The following NDEL1 variants were observed in gnomAD, a reference collection of about 807,000 sequenced individuals.
The protein encoded by NDEL1 is nuclear distribution protein nudE-like 1.
Under a neutral mutation model 45.7 loss-of-function variants are expected in NDEL1, and 9 were observed. That is an observed-to-expected ratio of 0.20 (90% CI 0.12 to 0.34). The LOEUF (loss-of-function observed/expected upper bound fraction) is 0.34, where lower values mean the gene tolerates loss of function less well. NDEL1 is among the 10% of genes least tolerant of loss of function. The pLI, the probability that NDEL1 is intolerant of heterozygous loss-of-function variation, is 1.00. For synonymous variants in NDEL1, 133 were observed against 158.6 expected, an observed-to-expected ratio of 0.84 and a Z score of 1.21; for missense variants, 306 against 406.2, an observed-to-expected ratio of 0.75 and a Z score of 2.12.
chr17:8,473,462 C>T (rs1911961878), intron 3 of NDEL1, among the ~76,000 whole-genome samples: 2 of 152,218 alleles, frequency 1.3e-5, no homozygotes, highest in Non-Finnish European at 2.9e-5. Flanking sequence ...GCCGGGATTA[C>T]AGGCGTGAGC....
intron 8 of NDEL1, 51 bp from the exon 9 acceptor site, chr17:8,466,879 G>T (rs757991643): frequency 5.9e-6 from 9 of 1,516,188 alleles, no homozygotes; most frequent in Admixed American, 1.7e-5. Flanking sequence ...GATTTTAAAT[G>T]AGTTTTTCGT....
At chr17:8,472,413 G>C (rs569173768), downstream of NDEL1, among the ~76,000 whole-genome samples, 8 of 152,280 alleles carry the variant, frequency 5.3e-5, no homozygotes, top group African/African-American at 1.9e-4. Context: ...CAGCACTTTG[G>C]GAGGGAGGCC....
intron 1 of NDEL1, among the ~76,000 whole-genome samples, chr17:8,437,878 G>A (rs1269904805): frequency 1.5e-5 from 2 of 136,422 alleles, no homozygotes; most frequent in South Asian, 2.6e-4. Flanking sequence ...AATGCTTTAC[G>A]TAAAAATTGT....
intron 1 of NDEL1, among the ~76,000 whole-genome samples, chr17:8,430,458 G>T (rs1039622035): frequency 1.3e-5 from 2 of 152,138 alleles, no homozygotes; most frequent in Admixed American, 6.5e-5. Context: ...TGATGTGGCC[G>T]AAGTCCAGCA....
chr17:8,426,932 A>C (rs1398137976), intron 1 of NDEL1, among the ~76,000 whole-genome samples: 1 of 151,984 alleles, frequency 6.6e-6, no homozygotes, highest in African/African-American at 2.4e-5. Flanking sequence ...AACTGTTCTC[A>C]TTTTTCTCTT....
intron 1 of NDEL1, chr17:8,436,557 C>T (rs1909356287): frequency 6.6e-6 from 1 of 152,366 alleles, no homozygotes; most frequent in African/African-American, 2.4e-5. Context: ...GATTGGCATT[C>T]TCCTGACTCC....
chr17:8,441,348 A>G (rs1909721732), intron 1 of NDEL1, among the ~76,000 whole-genome samples: 1 of 152,224 alleles, frequency 6.6e-6, no homozygotes. Context: ...ACCAGAGGGG[A>G]CATAAAAAAG....
chr17:8,470,156 C>T (rs1820044986), downstream of NDEL1, among the ~76,000 whole-genome samples: 1 of 152,176 alleles, frequency 6.6e-6, no homozygotes, highest in African/African-American at 2.4e-5. This position sits in a 1 kb window ranked among gnomAD's most constrained non-coding sequence, Gnocchi z 4.2. Flanking sequence ...GAGCATCTGC[C>T]ACCTGGCATG....
intron 6 of NDEL1, among the ~76,000 whole-genome samples, chr17:8,453,191 C>T (rs1910628746): frequency 6.6e-6 from 1 of 152,138 alleles, no homozygotes; most frequent in South Asian, 2.1e-4. Flanking sequence ...CGTTGAGCGC[C>T]TGTTATGTGT....
In NDEL1 at chr17:8,446,022, G is replaced by A. The variant is rs1910057937; in HGVS notation, c.240+158G>A. 7 of 682,578 alleles carry A rather than the reference G, an allele frequency of 1.0e-5. No homozygotes were observed. The East Asian group carries it at 2.5e-4, about 24-fold the overall frequency. The allele number at this position is 682,578 out of a possible 1,614,324, so 42.3% of individuals were successfully genotyped here. ...TAAAATGTTTTCTTTCACGGAACCAGGGGAAAAGGTGGTTTAGAGTTTAGG... is the reference window on the plus strand; with the variant it reads ...TAAAATGTTTTCTTTCACGGAACCAAGGGAAAAGGTGGTTTAGAGTTTAGG... On this transcript the variant is annotated intron_variant, in intron 3 of 8. Coordinates refer to ENST00000334527, the MANE Select transcript of NDEL1 (RefSeq NM_030808.5).
At position 8,428,337 on chromosome 17, in the gene NDEL1, T is replaced by G. The variant is rs1388364282; in HGVS notation, c.-13+15068T>G. On this transcript the variant is annotated intron_variant, in intron 1 of 4. Coordinates refer to the NDEL1 transcript ENST00000582812. ...CAAGTGTGTGTGGTGTGTGTGTGTG[T>G]GTGTGTGTGTGTGTGTGTGTGTGTA... Among the ~76,000 whole-genome samples, 7 of 91,038 alleles carry G rather than the reference T, an allele frequency of 7.7e-5. 1 individual carries two copies. The highest frequency in any genetic ancestry group is 1.4e-4 in the African/African-American group (4 of 29,076). 59.7% of individuals were successfully genotyped at this position (91,038 alleles called of 152,430 possible).
At chr17:8,440,199 C>T (rs1909635211) in intron 1 of NDEL1, among the ~76,000 whole-genome samples, 1 of 152,140 alleles carries the variant, frequency 6.6e-6, no homozygotes, top group South Asian at 2.1e-4. Context: ...GGTCAACATT[C>T]AATTCACATG....
At chr17:8,469,815 T>C (rs930290750), downstream of NDEL1, among the ~76,000 whole-genome samples, 2 of 151,450 alleles carry the variant, frequency 1.3e-5, no homozygotes, top group Non-Finnish European at 2.9e-5. Context: ...GCGATTCTCC[T>C]GACTCAGCCT....
At chr17:8,443,686 A>T (rs1909905396) in intron 1 of NDEL1, among the ~76,000 whole-genome samples, 1 of 152,148 alleles carries the variant, frequency 6.6e-6, no homozygotes, top group African/African-American at 2.4e-5. Flanking sequence ...AGATCATTGA[A>T]GTTGGAGATT....
At chr17:8,427,271 A>C (rs1908859944) in intron 1 of NDEL1, among the ~76,000 whole-genome samples, 1 of 152,176 alleles carries the variant, frequency 6.6e-6, no homozygotes, top group South Asian at 2.1e-4. Flanking sequence ...TAAAGACAAC[A>C]AATAGAACCT....
intron 1 of NDEL1, among the ~76,000 whole-genome samples, chr17:8,427,718 C>T (rs1320798380): frequency 6.6e-6 from 1 of 151,942 alleles, no homozygotes; most frequent in Non-Finnish European, 1.5e-5. Flanking sequence ...AAAACAAAAA[C>T]AAAAAACAGA....
chr17:8,468,994 ACT>A (rs1337767028), downstream of NDEL1, among the ~76,000 whole-genome samples: 1 of 152,068 alleles, frequency 6.6e-6, no homozygotes. Context: ...ACAGAGCTAG[ACT>A]CTGTCTCAAG....
chr17:8,449,655 G>A (rs1011540533), intron 5 of NDEL1, among the ~76,000 whole-genome samples: 4 of 152,246 alleles, frequency 2.6e-5, no homozygotes, highest in African/African-American at 9.6e-5. Context: ...ATTTGTGACT[G>A]GTTTATTGCA....
At chr17:8,438,979 C>G (rs1384928997) in intron 1 of NDEL1, among the ~76,000 whole-genome samples, 3 of 147,990 alleles carry the variant, frequency 2.0e-5, no homozygotes, top group African/African-American at 7.5e-5. Flanking sequence ...CTCTGTCACC[C>G]AGGCTGGAGT....
Sources: gnomAD v4.1 joint callset for allele counts (sites outside exome capture counted in the v4.1 genomes callset) on GRCh38, gnomAD v4.1.1 for gene constraint, Gnocchi (gnomAD v3.1) non-coding constraint, MANE v1.5 for transcripts, NCBI Gene and HGNC (gene_info 2026-07-23, HGNC 2026-07-21) for gene names.